The following GAREM2 variants were observed in gnomAD, a reference collection of about 807,000 sequenced individuals.
GAREM2 encodes GRB2 associated regulator of MAPK1 subtype 2.
In GAREM2, 30 loss-of-function variants were observed where a neutral mutation model predicts 55.6. That is an observed-to-expected ratio of 0.54 (90% confidence interval 0.40 to 0.73). GAREM2 has a LOEUF of 0.73. Among genes scored for constraint, GAREM2 ranks in the 30% least tolerant of loss-of-function variants. The pLI is 0.00. For missense variants in GAREM2, 1,075 were observed against 1,257.7 expected, an observed-to-expected ratio of 0.85 and a Z score of 2.20; for synonymous variants, 550 against 569.1, an observed-to-expected ratio of 0.97 and a Z score of 0.48.
At position 26,182,208 on chromosome 2, in the gene GAREM2, C is replaced by T. The variant is rs1357984193; in HGVS notation, c.254-759C>T. 6 of 1,373,466 alleles carry T rather than the reference C, an allele frequency of 4.4e-6. No individual in the cohort carries two copies. In the Admixed American group the frequency reaches 9.5e-5, roughly 22 times the overall value. 85.1% of individuals were successfully genotyped at this position (1,373,466 alleles called of 1,614,324 possible). Reference sequence around the variant, plus strand: ...CAGCTTCACAGACTGGCAATCACTTCCGTAAAGTCTGTGTCTCCTAGGGGC... The same window carrying T: ...CAGCTTCACAGACTGGCAATCACTTTCGTAAAGTCTGTGTCTCCTAGGGGC... On this transcript the variant is annotated intron_variant, in intron 2 of 5. Transcript: ENST00000401533.
Position 26,184,339 on chromosome 2 carries a change from CCA to C in GAREM2, c.493_494del (p.Thr165GlnfsTer128). 1 of 1,550,274 alleles carries C rather than the reference CCA, an allele frequency of 6.5e-7. No homozygotes were observed. Among genetic ancestry groups the C allele is most frequent in the Non-Finnish European group, 8.7e-7 (1 of 1,146,556 alleles). ...CAGGCGGAGATCCTGTGCGCCAAGA[CCA>C]CCAAGGAGCGCTCGCGCTTCACCAC... is the stretch of plus-strand genomic sequence containing the variant. On this transcript the variant is annotated frameshift_variant, in exon 4 of 6. Transcript: ENST00000401533. LOFTEE classifies it high-confidence loss of function.
At chr2:26,199,498 G>A in the GAREM2 span, 1 of 152,236 alleles carries the variant, frequency 6.6e-6, no homozygotes, top group Non-Finnish European at 1.5e-5. Context: ...CCTTTCTGAA[G>A]AGCAAACTAA....
downstream of GAREM2, among the ~76,000 whole-genome samples, chr2:26,194,065 G>C (rs1021436368): frequency 2.6e-5 from 4 of 152,198 alleles, no homozygotes; most frequent in East Asian, 7.7e-4. Context: ...GAGATTGCAT[G>C]ACAGACGGCT....
Position 26,184,520 on chromosome 2 carries a change from C to T in GAREM2, c.672C>T (p.Asn224=), listed in dbSNP as rs1260098727. The change falls in exon 4 of 6, where the codon AAC becomes AAT. Residue 224 remains asparagine (N), a synonymous_variant. Coordinates refer to ENST00000401533, the MANE Select transcript of GAREM2 (RefSeq NM_001168241.2). ...PCLICMNHRT[N]ESLSLPFQCQ... is the part of the protein sequence containing the mutation. ...TCATCTGCATGAACCACCGCACCAA[C>T]GAAAGCCTGAGCCTGCCCTTTCAGT... The T allele has an allele frequency of 1.9e-6, 3 of 1,546,906 alleles. No homozygotes were observed. The Admixed American group carries it at 5.9e-5, about 30-fold the overall frequency.
chr2:26,183,550 C>A (rs777708464), intron 3 of GAREM2, among the ~76,000 whole-genome samples: 4 of 152,052 alleles, frequency 2.6e-5, no homozygotes, highest in African/African-American at 7.2e-5. Flanking sequence ...ATGGAGAGAC[C>A]CTGTCTCTAC....
chr2:26,187,984 T>C lies in GAREM2; in HGVS notation c.2352T>C (p.Ser784=). ...GGCGCCTGGAAGGGCCTCCTGCCAG[T>C]CCCCGGGATGGAGCCACAGGCTTTG... The part of the protein sequence containing the change: ...TQGRLEGPPA[S]PRDGATGFGV... Residue 784 remains serine, a synonymous_variant, in exon 6 of 6, where the codon AGT becomes AGC. Coordinates refer to ENST00000401533, the MANE Select transcript of GAREM2 (RefSeq NM_001168241.2). 1.4e-6 allele frequency: 2 copies of C among 1,460,786 alleles called. No individual in the cohort carries two copies. Among genetic ancestry groups the C allele is most frequent in the Non-Finnish European group, 9.1e-7 (1 of 1,101,246 alleles). The allele number at this position is 1,460,786 out of a possible 1,614,324, so 90.5% of individuals were successfully genotyped here. A position where few individuals can be genotyped will look rare whatever the true frequency, so the allele number is the denominator to read the frequency against.
chr2:26,185,324 A>G (rs1356077667), intron 4 of GAREM2, 48 bp downstream of exon 4: 1 of 1,456,796 alleles, frequency 6.9e-7, no homozygotes, highest in Non-Finnish European at 9.0e-7. Context: ...CCAGGGCCCA[A>G]AGCCCGTTCT....
At chr2:26,196,169 CAA>C in the GAREM2 span, among the ~76,000 whole-genome samples, 1 of 152,098 alleles carries the variant, frequency 6.6e-6, no homozygotes, top group African/African-American at 2.4e-5. Context: ...AAAAAGGTAT[CAA>C]GAGGTTAGTA....
At chr2:26,174,183 C>T (rs1668787421) in intron 1 of GAREM2, among the ~76,000 whole-genome samples, 1 of 152,224 alleles carries the variant, frequency 6.6e-6, no homozygotes, top group Non-Finnish European at 1.5e-5. Context: ...CGGCCGCAGG[C>T]TCCTCGTCTC....
chr2:26,191,073 C>T, downstream of GAREM2: 1 of 677,760 alleles, frequency 1.5e-6, no homozygotes, highest in Non-Finnish European at 2.6e-6. Flanking sequence ...AATTCGAAGT[C>T]ACACTTCACC....
At chr2:26,185,895 C>CTT (rs2147738512) in intron 4 of GAREM2, among the ~76,000 whole-genome samples, 1 of 152,242 alleles carries the variant, frequency 6.6e-6, no homozygotes, top group African/African-American at 2.4e-5. Flanking sequence ...AGCACGTCTG[C>CTT]TTAACCTGTT....
In GAREM2 at chr2:26,173,206, CG is replaced by C; in HGVS notation, c.-11del. 2 of 1,212,846 alleles carry C rather than the reference CG, an allele frequency of 1.6e-6. No homozygotes were observed. The highest frequency in any genetic ancestry group is 4.9e-5 in the South Asian group (2 of 40,756). The allele number at this position is 1,212,846 out of a possible 1,614,324, so 75.1% of individuals were successfully genotyped here. On this transcript the variant is annotated 5_prime_UTR_variant, in exon 1 of 6. Transcript: ENST00000401533. ...CGTCGGGGCCCCGGGACGGCGGCCC[CG>C]GGGCGCCCATGCCATGGAGAAGCTG...
In GAREM2 at chr2:26,189,275, G is replaced by A. The variant is rs541195286; in HGVS notation, c.*1018G>A. ...GCATTTGTTCACGTGCCTCACAGCA[G>A]GCCTTTGTGCCCTTGAATCTCAAAC... On this transcript the variant is annotated 3_prime_UTR_variant, in exon 6 of 6. Transcript: ENST00000401533. The A allele has an allele frequency of 2.0e-5, 3 of 152,268 alleles. No homozygotes were observed. The highest frequency in any genetic ancestry group is 7.2e-5 in the African/African-American group (3 of 41,546). The allele number at this position is 152,268 out of a possible 1,614,324, so 9.4% of individuals were successfully genotyped here. A position where few individuals can be genotyped will look rare whatever the true frequency, so the allele number is the denominator to read the frequency against.
chr2:26,191,523 G>A (rs267599302), downstream of GAREM2: 17 of 1,614,060 alleles, frequency 1.1e-5, no homozygotes, highest in African/African-American at 9.3e-5. Flanking sequence ...AGACGGCTCC[G>A]ATGTCTCCCT....
chr2:26,202,782 C>T, the GAREM2 span, among the ~76,000 whole-genome samples: 1 of 152,156 alleles, frequency 6.6e-6, no homozygotes, highest in Non-Finnish European at 1.5e-5. Flanking sequence ...AGTATGGGCT[C>T]AAAGCTTTTG....
At chr2:26,194,608 G>C (rs1212133701), downstream of GAREM2, 1 of 1,612,556 alleles carries the variant, frequency 6.2e-7, no homozygotes, top group Admixed American at 1.7e-5. Flanking sequence ...ATGGGCGCAA[G>C]ACACCTGGTA....
At chr2:26,201,798 TTTTA>T in the GAREM2 span, among the ~76,000 whole-genome samples, 6 of 152,100 alleles carry the variant, frequency 3.9e-5, no homozygotes, top group African/African-American at 1.2e-4. Flanking sequence ...CTTTTTTTTT[TTTTA>T]TTTATTTTTT....
chr2:26,201,579 T>C, the GAREM2 span, among the ~76,000 whole-genome samples: 1 of 152,174 alleles, frequency 6.6e-6, no homozygotes, highest in Non-Finnish European at 1.5e-5. Flanking sequence ...TGCCTCCAAA[T>C]GCCCAATTTA....
Position 26,173,337 on chromosome 2 carries a change from C to T in GAREM2, c.112+5C>T. The T allele has an allele frequency of 7.3e-7, 1 of 1,373,336 alleles. No homozygotes were observed. The highest frequency in any genetic ancestry group is 9.5e-7 in the Non-Finnish European group (1 of 1,056,052). 85.1% of individuals were successfully genotyped at this position (1,373,336 alleles called of 1,614,324 possible). ...CGCTCGCCTGCCTTGGGCCAGGTAC[C>T]GGGGTCGCTGGAGATGGGGACCGGG... is the stretch of plus-strand genomic sequence containing the variant. On this transcript the variant is annotated splice_donor_5th_base_variant and intron_variant, in intron 1 of 5. Transcript: ENST00000401533.
Sources: allele counts gnomAD v4.1 joint callset (sites outside exome capture counted in the v4.1 genomes callset), GRCh38; gene constraint gnomAD v4.1.1; transcripts MANE v1.5; gene names NCBI Gene and HGNC (gene_info 2026-07-23, HGNC 2026-07-21).